TASP1: variants seen among roughly 807,000 people sequenced by gnomAD.
TASP1 encodes the protein threonine aspartase 1.
A neutral mutation model predicts 56.6 loss-of-function variants in TASP1; 16 were observed. That is an observed-to-expected ratio of 0.28 (90% CI 0.19 to 0.43). TASP1 has a LOEUF of 0.43. Among genes scored for constraint, TASP1 ranks in the 20% least tolerant of loss-of-function variants. The pLI is 1.00. For missense variants in TASP1, 393 were observed against 511.6 expected (o/e 0.77, Z 2.24); for synonymous variants, 179 against 184.2 (o/e 0.97, Z 0.23).
At chr20:13,391,783 T>C (rs1239085724) in intron 13 of TASP1, among the ~76,000 whole-genome samples, 10 of 151,434 alleles carry the variant, frequency 6.6e-5, no homozygotes, top group African/African-American at 1.9e-4. Flanking sequence ...CTGGCCAACA[T>C]GGTGAAACCC....
intron 12 of TASP1, among the ~76,000 whole-genome samples, chr20:13,420,364 T>C (rs775259256): frequency 2.7e-4 from 41 of 152,260 alleles, no homozygotes; most frequent in Non-Finnish European, 5.0e-4. Context: ...ATAAAATTTC[T>C]AGATCTAGTG....
the TASP1 span, among the ~76,000 whole-genome samples, chr20:13,342,417 A>G: frequency 1.3e-5 from 2 of 152,216 alleles, no homozygotes; most frequent in Non-Finnish European, 2.9e-5. Flanking sequence ...AATGCAAGAA[A>G]TGCAATGTAG....
At chr20:13,612,491 AACACACACAC>A (rs34343791) in intron 4 of TASP1, among the ~76,000 whole-genome samples, 10 of 144,100 alleles carry the variant, frequency 6.9e-5, no homozygotes, top group South Asian at 2.3e-4. Context: ...ATTTGTAGCA[AACACACACAC>A]ACACACACAC....
rs557034999 is a variant in TASP1 at position 13,635,501 on chromosome 20, C to A, written c.-75+3393G>T. On this transcript the variant is annotated intron_variant, in intron 1 of 13. Transcript: ENST00000337743. ...CTCCCGGGTTCAAACAATTCTCCTG[C>A]CTCAGCCTCCTGAGTGGCCAGGACT... Among the ~76,000 whole-genome samples, 145 of 151,768 alleles carry A rather than the reference C, an allele frequency of 9.6e-4. 1 individual carries two copies. Among genetic ancestry groups the A allele is most frequent in the African/African-American group, 3.3e-3 (138 of 41,312 alleles).
At chr20:13,322,132 G>A in the TASP1 span, among the ~76,000 whole-genome samples, 2 of 152,126 alleles carry the variant, frequency 1.3e-5, no homozygotes, top group Non-Finnish European at 2.9e-5. Context: ...TTTTAATGTC[G>A]TAAAGAGATT....
intron 4 of TASP1, among the ~76,000 whole-genome samples, chr20:13,608,951 T>G (rs1315169636): frequency 6.6e-6 from 1 of 152,196 alleles, no homozygotes; most frequent in Non-Finnish European, 1.5e-5. Flanking sequence ...GTACTGGGGA[T>G]GGTCAGAGGG....
chr20:13,229,072 CCTTT>C, the TASP1 span, among the ~76,000 whole-genome samples: 2 of 151,832 alleles, frequency 1.3e-5, no homozygotes, highest in Non-Finnish European at 1.5e-5. Context: ...TTTTTCTTTC[CCTTT>C]CTTTCCTTTT....
At chr20:13,567,456 C>G (rs1331259872) in intron 7 of TASP1, among the ~76,000 whole-genome samples, 1 of 151,814 alleles carries the variant, frequency 6.6e-6, no homozygotes, top group Non-Finnish European at 1.5e-5. Flanking sequence ...AAATAAAATA[C>G]AGAAAATGTG....
chr20:13,394,821 C>T (rs1003647270), intron 13 of TASP1, among the ~76,000 whole-genome samples: 4 of 152,128 alleles, frequency 2.6e-5, no homozygotes, highest in African/African-American at 9.7e-5. Context: ...TTGAGGTTAA[C>T]ACCCCTTGAA....
intron 8 of TASP1, among the ~76,000 whole-genome samples, chr20:13,554,105 T>A (rs111810962): frequency 0.026 from 3,978 of 152,212 alleles, 74 homozygotes; most frequent in Middle Eastern, 0.051. Flanking sequence ...AATGCAGATG[T>A]GACATCTAAA....
the TASP1 span, among the ~76,000 whole-genome samples, chr20:13,150,955 A>G: frequency 1.3e-3 from 196 of 152,260 alleles, no homozygotes; most frequent in African/African-American, 4.4e-3. Flanking sequence ...AGCTCTCATA[A>G]CACCAGATAA....
At chr20:13,521,416 C>T (rs1209802866) in intron 10 of TASP1, among the ~76,000 whole-genome samples, 1 of 152,098 alleles carries the variant, frequency 6.6e-6, no homozygotes, top group Non-Finnish European at 1.5e-5. Context: ...AAATGTGGCA[C>T]ATATACACCA....
At chr20:13,208,434 T>C in the TASP1 span, among the ~76,000 whole-genome samples, 1 of 152,198 alleles carries the variant, frequency 6.6e-6, no homozygotes, top group East Asian at 1.9e-4. Flanking sequence ...CTCACCACAC[T>C]TACCAAACTA....
chr20:13,462,134 T>C (rs2044076854), intron 11 of TASP1, among the ~76,000 whole-genome samples: 2 of 152,194 alleles, frequency 1.3e-5, no homozygotes, highest in African/African-American at 4.8e-5. Context: ...ATCCATGATA[T>C]GTGGCTTCCA....
chr20:13,262,052 A>G, the TASP1 span, among the ~76,000 whole-genome samples: 1 of 152,156 alleles, frequency 6.6e-6, no homozygotes, highest in South Asian at 2.1e-4. Flanking sequence ...TAGGTGCACT[A>G]ATGATCTGGT....
At chr20:13,587,101 T>C (rs2047334086) in intron 5 of TASP1, 149 bp downstream of exon 5, 2 of 1,018,574 alleles carry the variant, frequency 2.0e-6, no homozygotes, top group East Asian at 5.5e-5. Context: ...TAACTAAGAC[T>C]GTATGTTTTA....
chr20:13,417,728 T>C (rs2042304231), intron 12 of TASP1, among the ~76,000 whole-genome samples: 2 of 152,246 alleles, frequency 1.3e-5, no homozygotes, highest in African/African-American at 4.8e-5. Context: ...ATCTCTTTCC[T>C]GTCAAAAGTT....
the TASP1 span, chr20:13,166,005 G>A: frequency 6.6e-6 from 1 of 152,476 alleles, no homozygotes; most frequent in African/African-American, 2.4e-5. Context: ...AAACCTCTAT[G>A]GAAAAGTAGC....
chr20:13,323,187 G>A, the TASP1 span, among the ~76,000 whole-genome samples: 1 of 152,152 alleles, frequency 6.6e-6, no homozygotes, highest in Non-Finnish European at 1.5e-5. Context: ...TTGCTACAAA[G>A]AATAAGAGAG....
Sources: gnomAD v4.1 joint callset for allele counts (sites outside exome capture counted in the v4.1 genomes callset) on GRCh38, gnomAD v4.1.1 for gene constraint, MANE v1.5 for transcripts, NCBI Gene and HGNC (gene_info 2026-07-23, HGNC 2026-07-21) for gene names.